The following SLC22A8 variants were observed in gnomAD, a reference collection of about 807,000 sequenced individuals.
SLC22A8 encodes the protein solute carrier family 22 member 8.
In SLC22A8, 40 loss-of-function variants were observed where a neutral mutation model predicts 48.4. That is an observed-to-expected ratio of 0.83 (90% confidence interval 0.64 to 1.08). The LOEUF (loss-of-function observed/expected upper bound fraction) is 1.08. Among genes scored for constraint, SLC22A8 ranks in the 50% least tolerant of loss-of-function variants. SLC22A8 has a pLI of 0.00. For synonymous variants in SLC22A8, 268 were observed against 286.3 expected, an observed-to-expected ratio of 0.94 and a Z score of 0.65; for missense variants, 606 against 699.0, an observed-to-expected ratio of 0.87 and a Z score of 1.50.
chr11:63,004,280 C>T (rs1175126344), intron 2 of SLC22A8, among the ~76,000 whole-genome samples: 9 of 152,200 alleles, frequency 5.9e-5, no homozygotes, highest in African/African-American at 1.2e-4. Context: ...ACTTTTGAGA[C>T]CTGTTTAGAA....
chr11:63,005,096 G>C (rs1037423907), intron 2 of SLC22A8, among the ~76,000 whole-genome samples: 1 of 152,184 alleles, frequency 6.6e-6, no homozygotes, highest in Non-Finnish European at 1.5e-5. Context: ...ATGACATTTA[G>C]AAGCTTGGAA....
intron 7 of SLC22A8, chr11:62,995,167 A>G: frequency 3.4e-6 from 1 of 291,852 alleles, no homozygotes; most frequent in Non-Finnish European, 6.6e-6. Context: ...GAACTGTGGG[A>G]TCCCTTTGAA....
intron 3 of SLC22A8, 84 bp from the exon 4 acceptor site, chr11:62,999,926 G>T: frequency 8.2e-7 from 1 of 1,215,958 alleles, no homozygotes; most frequent in Non-Finnish European, 1.1e-6. Flanking sequence ...GGGGCAAAGG[G>T]CTGAATCCGA....
Position 63,015,773 on chromosome 11 carries a change from T to C in SLC22A8, c.-70A>G, listed in dbSNP as rs1481873878. On this transcript the variant is annotated 5_prime_UTR_variant, in exon 1 of 11. Coordinates refer to ENST00000336232, the MANE Select transcript of SLC22A8 (RefSeq NM_004254.4). ...CCGATGGGGCTGGTGATCAGTGTAG[T>C]TGAGGTCCCTGCTCTGTCCTAGGGG... is the stretch of plus-strand genomic sequence containing the variant. 6.6e-6 allele frequency: 1 copy of C among 152,530 alleles called. No homozygotes were observed. The highest frequency in any genetic ancestry group is 1.5e-5 in the Non-Finnish European group (1 of 68,270). 9.4% of individuals were successfully genotyped at this position (152,530 alleles called of 1,614,324 possible).
chr11:62,996,229 C>G (rs2086419059), intron 5 of SLC22A8, 77 bp from the exon 6 acceptor site: 1 of 1,451,912 alleles, frequency 6.9e-7, no homozygotes, highest in Admixed American at 2.2e-5. Context: ...ACATCAACAG[C>G]CAGGGCCAAG....
Position 62,998,959 on chromosome 11 carries a change from A to T in SLC22A8, c.723T>A (p.Thr241=), listed in dbSNP as rs2276299. ...AGAAGACGAAGAAGGGAATGGACAC[A>T]GTTAACTGCAGCCAACGCCACTGGG... is the stretch of plus-strand genomic sequence containing the variant. ...AIPQWRWLQL[T]VSIPFFVFFL... is the part of the protein sequence containing the mutation. Residue 241 remains threonine (T), a synonymous_variant, in exon 5 of 11, where the codon ACT becomes ACA. Coordinates refer to ENST00000336232, the MANE Select transcript of SLC22A8 (RefSeq NM_004254.4). The T allele has an allele frequency of 0.17, 277,345 of 1,613,400 alleles. 25,912 individuals are homozygous for T. The highest frequency in any genetic ancestry group is 0.33 in the Admixed American group (20,079 of 59,982).
intron 2 of SLC22A8, among the ~76,000 whole-genome samples, chr11:63,010,302 G>A (rs1158960723): frequency 6.6e-6 from 1 of 152,166 alleles, no homozygotes; most frequent in Non-Finnish European, 1.5e-5. Context: ...CACTGTTTGC[G>A]AGATGGCCCC....
At position 62,993,898 on chromosome 11, in the gene SLC22A8, T is replaced by A; in HGVS notation, c.1217-20A>T. 1 of 1,486,632 alleles carries A rather than the reference T, an allele frequency of 6.7e-7. No individual in the cohort carries two copies. Among genetic ancestry groups the A allele is most frequent in the Non-Finnish European group, 9.4e-7 (1 of 1,063,662 alleles). 92.1% of individuals were successfully genotyped at this position (1,486,632 alleles called of 1,614,324 possible). A position where few individuals can be genotyped will look rare whatever the true frequency, so the allele number is the denominator to read the frequency against. ...GCAAGTCTGCAGAGGGAAGAAAATG[T>A]GGTGGGCCTTGGAGTTCAGGAGCAC... is the stretch of plus-strand genomic sequence containing the variant. On this transcript the variant is annotated intron_variant, in intron 8 of 10. Transcript: ENST00000336232.
At chr11:63,005,926 T>C (rs144575019) in intron 2 of SLC22A8, among the ~76,000 whole-genome samples, 28 of 152,278 alleles carry the variant, frequency 1.8e-4, no homozygotes, top group African/African-American at 6.7e-4. Flanking sequence ...GATTCCTGAA[T>C]ATTTGAAGGA....
chr11:62,998,301 C>T (rs958313725), intron 5 of SLC22A8, among the ~76,000 whole-genome samples: 4 of 152,056 alleles, frequency 2.6e-5, no homozygotes, highest in African/African-American at 9.7e-5. Context: ...AGTGTGGCCT[C>T]GGGTTCAACA....
chr11:62,997,596 A>G (rs1565295777), intron 5 of SLC22A8, among the ~76,000 whole-genome samples: 1 of 152,192 alleles, frequency 6.6e-6, no homozygotes, highest in African/African-American at 2.4e-5. Context: ...CAAGCTCTCA[A>G]CTGTGCTCTG....
intron 2 of SLC22A8, among the ~76,000 whole-genome samples, chr11:63,004,820 C>T (rs1334716323): frequency 6.6e-6 from 1 of 152,188 alleles, no homozygotes; most frequent in Non-Finnish European, 1.5e-5. Context: ...AATGTGTGAA[C>T]ATTCCACAGA....
At chr11:63,013,745 C>T (rs2086644348) in intron 2 of SLC22A8, among the ~76,000 whole-genome samples, 1 of 152,152 alleles carries the variant, frequency 6.6e-6, no homozygotes, top group African/African-American at 2.4e-5. Context: ...TAGAAATCAC[C>T]TTCAACGGAG....
chr11:63,009,301 G>A (rs1316180468), intron 2 of SLC22A8, among the ~76,000 whole-genome samples: 1 of 152,084 alleles, frequency 6.6e-6, no homozygotes. Flanking sequence ...CTGCTCACAA[G>A]AGGCCTCACT....
At chr11:63,003,051 T>A (rs1463490928) in intron 2 of SLC22A8, among the ~76,000 whole-genome samples, 1 of 152,188 alleles carries the variant, frequency 6.6e-6, no homozygotes, top group Non-Finnish European at 1.5e-5. Flanking sequence ...CTGTCTTGCC[T>A]AAAGTGCTCA....
chr11:62,999,665 C>G (rs1286100427), intron 4 of SLC22A8, 23 bp downstream of exon 4: 1 of 1,494,424 alleles, frequency 6.7e-7, no homozygotes, highest in Non-Finnish European at 9.0e-7. Flanking sequence ...CAAAGCCCAG[C>G]TCCATGCCCC....
At chr11:63,008,775 A>G (rs1449090519) in intron 2 of SLC22A8, among the ~76,000 whole-genome samples, 1 of 152,126 alleles carries the variant, frequency 6.6e-6, no homozygotes, top group Non-Finnish European at 1.5e-5. Flanking sequence ...AGGACCTCCC[A>G]ACACCCCCCG....
rs554732156 is a variant in SLC22A8 at position 62,994,293 on chromosome 11, C to A, written c.1216+249G>T. On this transcript the variant is annotated intron_variant, in intron 8 of 10. Transcript: ENST00000336232. ...GATGTCACTCAGGACACTCTCAATA[C>A]CTCAAAAATTTTCACACTATCCAGA... 2.1e-5 allele frequency: 12 copies of A among 565,008 alleles called. No homozygotes were observed. The East Asian group carries it at 3.3e-4, about 15-fold the overall frequency. 35.0% of individuals were successfully genotyped at this position (565,008 alleles called of 1,614,324 possible).
At chr11:63,011,616 C>T (rs1235853008) in intron 2 of SLC22A8, among the ~76,000 whole-genome samples, 1 of 152,178 alleles carries the variant, frequency 6.6e-6, no homozygotes, top group Admixed American at 6.5e-5. Context: ...CCCAGAGACT[C>T]CAACTTCCTG....
Sources: gnomAD v4.1 joint callset for allele counts (sites outside exome capture counted in the v4.1 genomes callset) on GRCh38, gnomAD v4.1.1 for gene constraint, MANE v1.5 for transcripts, NCBI Gene and HGNC (gene_info 2026-07-23, HGNC 2026-07-21) for gene names.